Variants in EGFR observed in about 807,000 individuals in gnomAD.
EGFR encodes the protein epidermal growth factor receptor, also known as avian erythroblastic leukemia viral (v-erb-b) oncogene homolog.
EGFR carries 58 observed loss-of-function variants against 143.0 expected under a neutral mutation model. The ratio of observed to expected loss-of-function variants is 0.41; its 90% CI spans 0.33 to 0.50. EGFR has a LOEUF of 0.50. EGFR is among the 20% of genes least tolerant of loss of function. The pLI is 0.39. For synonymous variants in EGFR, 613 were observed against 594.4 expected (o/e 1.03, Z -0.45); for missense variants, 1,307 against 1,579.0 (o/e 0.83, Z 2.92).
At chr7:55,045,524 C>A (rs964151701) in intron 1 of EGFR, among the ~76,000 whole-genome samples, 1 of 152,102 alleles carries the variant, frequency 6.6e-6, no homozygotes, top group African/African-American at 2.4e-5. Flanking sequence ...ACAAAAGTGG[C>A]CTGAAGAGAG....
chr7:55,131,792 G>A (rs1287813748), intron 1 of EGFR, among the ~76,000 whole-genome samples: 1 of 152,158 alleles, frequency 6.6e-6, no homozygotes, highest in Non-Finnish European at 1.5e-5. Context: ...CTGACCCCTT[G>A]CGCTGTCAGC....
intron 1 of EGFR, among the ~76,000 whole-genome samples, chr7:55,093,316 C>T (rs1306592257): frequency 6.6e-6 from 1 of 152,124 alleles, no homozygotes; most frequent in African/African-American, 2.4e-5. Context: ...AATCATTTTT[C>T]TGTGCTTTTT....
Position 55,192,829 on chromosome 7 carries a change from G to A in EGFR, c.2689G>A (p.Val897Ile), listed in dbSNP as rs1238258563. ...LHRIYTHQSD[V>I]WSYGVTVWEL... ...CAGAATCTATACCCACCAGAGTGAT[G>A]TCTGGAGCTACGGTGAGTCATAATC... is the stretch of plus-strand genomic sequence containing the variant. The change falls in exon 22 of 28, where the codon GTC (valine) becomes ATC (isoleucine). Residue 897 changes from valine (V) to isoleucine (I), a missense_variant. Physicochemically the swap from Val to Ile is conservative, Grantham distance 29. Transcript: ENST00000275493. 4 of 1,614,200 alleles carry A rather than the reference G, an allele frequency of 2.5e-6. No individual in the cohort carries two copies. The highest frequency in any genetic ancestry group is 3.4e-6 in the Non-Finnish European group (4 of 1,180,012).
intron 1 of EGFR, among the ~76,000 whole-genome samples, chr7:55,060,537 G>A (rs1362563152): frequency 2.6e-5 from 4 of 152,098 alleles, no homozygotes; most frequent in Non-Finnish European, 4.4e-5. Context: ...ATCTTTGCTT[G>A]TAGAATCTAG....
At chr7:55,087,044 G>A (rs371744347) in intron 1 of EGFR, among the ~76,000 whole-genome samples, 1 of 152,024 alleles carries the variant, frequency 6.6e-6, no homozygotes, top group South Asian at 2.1e-4. Context: ...ACTGGTCAGA[G>A]TTTACTTAGG....
At chr7:55,057,263 C>A (rs926538731) in intron 1 of EGFR, among the ~76,000 whole-genome samples, 1 of 152,188 alleles carries the variant, frequency 6.6e-6, no homozygotes, top group Non-Finnish European at 1.5e-5. Flanking sequence ...ATGCCTCACC[C>A]TGGAATTGCT....
At chr7:55,134,104 C>T (rs981115817) in intron 1 of EGFR, among the ~76,000 whole-genome samples, 7 of 152,224 alleles carry the variant, frequency 4.6e-5, no homozygotes, top group African/African-American at 1.7e-4. Context: ...CCTGTCCTTT[C>T]TCCAATGTCC....
intron 20 of EGFR, among the ~76,000 whole-genome samples, chr7:55,184,337 CCCTGGCGCAGCATGA>C (rs1467287917): frequency 6.6e-6 from 1 of 152,212 alleles, no homozygotes; most frequent in Non-Finnish European, 1.5e-5. Context: ...AACCCTCATT[CCCTGGCGCAGCATGA>C]CCATCACATG....
intron 20 of EGFR, among the ~76,000 whole-genome samples, chr7:55,186,314 C>T (rs137959622): frequency 6.6e-6 from 1 of 152,220 alleles, no homozygotes; most frequent in African/African-American, 2.4e-5. Context: ...AGGCAGGTCC[C>T]AGAGGGCTCC....
At chr7:55,185,774 T>C (rs997114282) in intron 20 of EGFR, among the ~76,000 whole-genome samples, 1 of 152,190 alleles carries the variant, frequency 6.6e-6, no homozygotes, top group African/African-American at 2.4e-5. Context: ...TGAAACTGGC[T>C]TACACATGGC....
intron 1 of EGFR, among the ~76,000 whole-genome samples, chr7:55,138,555 T>G (rs1175901901): frequency 6.6e-6 from 1 of 152,242 alleles, no homozygotes. Context: ...TAAGTCCATA[T>G]GCAGATCCAA....
At chr7:55,022,265 C>T (rs375887603) in intron 1 of EGFR, among the ~76,000 whole-genome samples, 17 of 152,222 alleles carry the variant, frequency 1.1e-4, no homozygotes, top group African/African-American at 2.9e-4. Flanking sequence ...TATTCCAAGG[C>T]GAGTCGAATT....
At chr7:55,069,009 T>C (rs1789674984) in intron 1 of EGFR, among the ~76,000 whole-genome samples, 1 of 152,318 alleles carries the variant, frequency 6.6e-6, no homozygotes, top group African/African-American at 2.4e-5. Flanking sequence ...TGTTCACTTC[T>C]TTTTGCAACC....
rs1271051562 is a variant in EGFR at position 55,198,840 on chromosome 7, A to C, written c.2825A>C (p.Asp942Ala). Residue 942 changes from aspartate to alanine, a missense_variant, in exon 23 of 28, where the codon GAT becomes GCT. Around this residue, in one of 7 missense-constraint regions of EGFR, gnomAD observed 348 missense variants for 451.5 expected, o/e 0.77. Transcript: ENST00000275493. ...RLPQPPICTIDVYMIMVKCWM... is the reference protein window; with the variant it reads ...RLPQPPICTIAVYMIMVKCWM... ...CCTCAGCCACCCATATGTACCATCG[A>C]TGTCTACATGATCATGGTCAAGTGT... The C allele has an allele frequency of 6.2e-7, 1 of 1,614,162 alleles. No homozygotes were observed. Among genetic ancestry groups the C allele is most frequent in the South Asian group, 1.1e-5 (1 of 91,078 alleles).
At chr7:55,084,938 C>A (rs1029708344) in intron 1 of EGFR, among the ~76,000 whole-genome samples, 1 of 152,160 alleles carries the variant, frequency 6.6e-6, no homozygotes, top group African/African-American at 2.4e-5. Context: ...CATCCGTGAT[C>A]TTCCATAGTC....
chr7:55,020,214 C>A (rs1486313361), intron 1 of EGFR, among the ~76,000 whole-genome samples: 2 of 152,234 alleles, frequency 1.3e-5, no homozygotes, highest in Admixed American at 1.3e-4. Flanking sequence ...AGAGTGCCCC[C>A]CACCTCCCGG....
At chr7:55,136,027 A>G (rs1004691685) in intron 1 of EGFR, among the ~76,000 whole-genome samples, 1 of 152,242 alleles carries the variant, frequency 6.6e-6, no homozygotes, top group Non-Finnish European at 1.5e-5. Context: ...CCATTCAGAA[A>G]AGGTCATTGT....
intron 7 of EGFR, 75 bp from the exon 8 acceptor site, chr7:55,155,755 G>A (rs2128937158): frequency 8.9e-7 from 1 of 1,129,736 alleles, no homozygotes; most frequent in Admixed American, 1.7e-5. Flanking sequence ...CCCTCAAGAG[G>A]ACCTGGACCG....
chr7:55,032,716 G>A (rs905184425), intron 1 of EGFR, among the ~76,000 whole-genome samples: 1 of 152,088 alleles, frequency 6.6e-6, no homozygotes, highest in African/African-American at 2.4e-5. Context: ...TATGCATCCT[G>A]GATGGCATAG....
Sources: gnomAD v4.1 joint callset for allele counts (sites outside exome capture counted in the v4.1 genomes callset) on GRCh38, gnomAD v4.1.1 for gene constraint, gnomAD v4.1.1 regional missense constraint, MANE v1.5 for transcripts, NCBI Gene and HGNC (gene_info 2026-07-23, HGNC 2026-07-21) for gene names.